The following CHST11 variants were observed in gnomAD, a reference collection of about 807,000 sequenced individuals.
CHST11 encodes carbohydrate sulfotransferase 11.
A neutral mutation model predicts 30.4 loss-of-function variants in CHST11; 9 were observed. The observed-to-expected ratio is 0.30, with a 90% CI of 0.18 to 0.52. The LOEUF (loss-of-function observed/expected upper bound fraction) is 0.52. CHST11 is among the 20% of genes least tolerant of loss of function. The pLI is 0.97. For synonymous variants in CHST11, 152 were observed against 187.8 expected (o/e 0.81, Z 1.56); for missense variants, 348 against 460.6 (o/e 0.76, Z 2.24).
At chr12:104,590,477 A>G (rs1190436518) in intron 1 of CHST11, among the ~76,000 whole-genome samples, 1 of 152,200 alleles carries the variant, frequency 6.6e-6, no homozygotes, top group Non-Finnish European at 1.5e-5. Context: ...TCAGCCCTGA[A>G]TTTAGGCCCC....
chr12:104,646,279 C>T (rs2039429342), intron 2 of CHST11, among the ~76,000 whole-genome samples: 1 of 152,166 alleles, frequency 6.6e-6, no homozygotes, highest in South Asian at 2.1e-4. Flanking sequence ...GTGGCCTTTG[C>T]TGGCAGTGTT....
At chr12:104,654,753 G>C (rs1173878413) in intron 2 of CHST11, among the ~76,000 whole-genome samples, 1 of 152,128 alleles carries the variant, frequency 6.6e-6, no homozygotes, top group African/African-American at 2.4e-5. Flanking sequence ...GTCACACGCA[G>C]ACAGACGCCA....
At chr12:104,554,695 A>G (rs2038437923) in intron 1 of CHST11, among the ~76,000 whole-genome samples, 1 of 152,154 alleles carries the variant, frequency 6.6e-6, no homozygotes, top group Non-Finnish European at 1.5e-5. Context: ...TCTGTGCAAT[A>G]CTGAGATTTC....
chr12:104,514,220 C>CA, intron 1 of CHST11: 2 of 883,840 alleles, frequency 2.3e-6, no homozygotes, highest in South Asian at 2.6e-5. Context: ...GGGACATTGA[C>CA]ACAGCAGCCA....
chr12:104,579,580 G>A (rs2038719196), intron 1 of CHST11, among the ~76,000 whole-genome samples: 2 of 152,188 alleles, frequency 1.3e-5, no homozygotes. Context: ...CTATCTTACT[G>A]TTTTATCTCA....
intron 1 of CHST11, among the ~76,000 whole-genome samples, chr12:104,592,866 C>A (rs530512500): frequency 6.6e-6 from 1 of 152,250 alleles, no homozygotes; most frequent in Admixed American, 6.5e-5. Flanking sequence ...TGCAGATGGG[C>A]CAGAATTCTC....
intron 2 of CHST11, among the ~76,000 whole-genome samples, chr12:104,621,043 C>T (rs1206798779): frequency 6.6e-6 from 1 of 152,212 alleles, no homozygotes; most frequent in South Asian, 2.1e-4. Flanking sequence ...GCCTCAGAAA[C>T]CCTGCTTGTC....
At chr12:104,624,581 T>C (rs1193775273) in intron 2 of CHST11, among the ~76,000 whole-genome samples, 1 of 152,202 alleles carries the variant, frequency 6.6e-6, no homozygotes, top group Non-Finnish European at 1.5e-5. Context: ...AAAATGAAGA[T>C]AATAATCATA....
intron 1 of CHST11, among the ~76,000 whole-genome samples, chr12:104,513,705 C>T (rs944338332): frequency 1.3e-5 from 2 of 152,216 alleles, no homozygotes; most frequent in African/African-American, 4.8e-5. Flanking sequence ...TTTGTGTCTT[C>T]CCACAAGAAT....
intron 1 of CHST11, among the ~76,000 whole-genome samples, chr12:104,471,089 A>G (rs774899311): frequency 6.6e-6 from 1 of 152,142 alleles, no homozygotes; most frequent in Non-Finnish European, 1.5e-5. Flanking sequence ...AGTCTAGTTC[A>G]TGTATTACCT....
At chr12:104,719,263 C>T (rs570000346) in intron 2 of CHST11, among the ~76,000 whole-genome samples, 1 of 152,320 alleles carries the variant, frequency 6.6e-6, no homozygotes, top group African/African-American at 2.4e-5. Context: ...TTCTGGAGTC[C>T]CCATGTCCCT....
At chr12:104,480,947 A>G (rs976660368) in intron 1 of CHST11, among the ~76,000 whole-genome samples, 2 of 152,180 alleles carry the variant, frequency 1.3e-5, no homozygotes, top group African/African-American at 2.4e-5. Flanking sequence ...GTCTGAAGGA[A>G]CACATTTCTT....
chr12:104,761,513 G>A lies in CHST11; in HGVS notation c.*3710G>A, dbSNP rs7972699. ...CACACACACACACAATCTCAGCTGC[G>A]CCATTCTGTGCAATCCCAGTGACCA... On this transcript the variant is annotated 3_prime_UTR_variant, in exon 3 of 3. Transcript: ENST00000303694. The A allele has an allele frequency of 0.066, 9,464 of 143,392 alleles. 664 individuals are homozygous for A. Among genetic ancestry groups the A allele is most frequent in the East Asian group, 0.2 (999 of 4,948 alleles). The allele number at this position is 143,392 out of a possible 1,614,324, so 8.9% of individuals were successfully genotyped here.
At chr12:104,507,748 T>C (rs2135979117) in intron 1 of CHST11, among the ~76,000 whole-genome samples, 1 of 152,304 alleles carries the variant, frequency 6.6e-6, no homozygotes, top group South Asian at 2.1e-4. Context: ...CCTCTAGTGG[T>C]GTAGCCCAGG....
intron 1 of CHST11, among the ~76,000 whole-genome samples, chr12:104,568,456 A>G (rs930332827): frequency 1.3e-5 from 2 of 152,108 alleles, no homozygotes; most frequent in Non-Finnish European, 2.9e-5. Context: ...TGCTTGGTAC[A>G]CATTTACTGA....
At chr12:104,592,590 G>T (rs115456590) in intron 1 of CHST11, among the ~76,000 whole-genome samples, 2,204 of 152,264 alleles carry the variant, frequency 0.014, 62 homozygotes, top group African/African-American at 0.05. Flanking sequence ...ATGAATTTTA[G>T]TGGGGACACA....
chr12:104,519,071 G>GGTGT (rs10628757), intron 1 of CHST11, among the ~76,000 whole-genome samples: 4,536 of 139,588 alleles, frequency 0.032, 106 homozygotes, highest in South Asian at 0.11. Context: ...GGACTCTTGA[G>GGTGT]GTGTGTGTGT....
intron 1 of CHST11, among the ~76,000 whole-genome samples, chr12:104,508,764 T>G (rs775180711): frequency 6.6e-6 from 1 of 152,212 alleles, no homozygotes; most frequent in Non-Finnish European, 1.5e-5. Context: ...TCTCTTGTGA[T>G]TATTTATGTG....
chr12:104,649,902 G>A (rs886556611), intron 2 of CHST11, among the ~76,000 whole-genome samples: 4 of 152,174 alleles, frequency 2.6e-5, no homozygotes, highest in South Asian at 2.1e-4. Flanking sequence ...GCTGATAGAC[G>A]AGGCACACTG....
Sources: gnomAD v4.1 joint callset for allele counts (sites outside exome capture counted in the v4.1 genomes callset) on GRCh38, gnomAD v4.1.1 for gene constraint, MANE v1.5 for transcripts, NCBI Gene and HGNC (gene_info 2026-07-23, HGNC 2026-07-21) for gene names.